SLC67A1: variants seen among roughly 807,000 people sequenced by gnomAD.
SLC67A1 encodes solute carrier family 67 member A1.
At chr11:2,920,790 A>G in the SLC67A1 span, 2 of 152,214 alleles carry the variant, frequency 1.3e-5, no homozygotes, top group African/African-American at 4.8e-5. Flanking sequence ...TTTTAAACTT[A>G]ATGGGCAAAC....
the SLC67A1 span, chr11:2,903,175 ACT>A: frequency 4.0e-5 from 59 of 1,456,814 alleles, 1 homozygote; most frequent in South Asian, 7.4e-4. Flanking sequence ...GGAGAGCTCC[ACT>A]GGGGAGGGGG....
chr11:2,923,097 C>T, the SLC67A1 span, among the ~76,000 whole-genome samples: 5 of 152,222 alleles, frequency 3.3e-5, no homozygotes, highest in South Asian at 6.2e-4. The surrounding 1 kb of genome is among the most constrained non-coding windows in gnomAD (Gnocchi z 6.5). Context: ...GAGAGCCGCT[C>T]ATGCAGACTG....
At chr11:2,909,416 C>G in the SLC67A1 span, 1 of 1,479,250 alleles carries the variant, frequency 6.8e-7, no homozygotes, top group East Asian at 2.7e-5. Flanking sequence ...TGCGGAGGAC[C>G]CGGGACACCT....
the SLC67A1 span, among the ~76,000 whole-genome samples, chr11:2,899,986 A>G: frequency 1.3e-5 from 2 of 152,132 alleles, no homozygotes; most frequent in Non-Finnish European, 2.9e-5. Context: ...CACCTGCCCC[A>G]TTGAGTAAGG....
At chr11:2,911,630 G>T in the SLC67A1 span, among the ~76,000 whole-genome samples, 7 of 152,246 alleles carry the variant, frequency 4.6e-5, no homozygotes, top group Non-Finnish European at 8.8e-5. Context: ...GCCTGCTGCC[G>T]CCTCCTTCCC....
At chr11:2,916,875 T>A in the SLC67A1 span, 1 of 725,144 alleles carries the variant, frequency 1.4e-6, no homozygotes. Context: ...CTGCCTTCCT[T>A]GAACCCTTCC....
chr11:2,909,540 G>C, the SLC67A1 span: 3 of 1,507,548 alleles, frequency 2.0e-6, no homozygotes, highest in Non-Finnish European at 8.8e-7. Flanking sequence ...GCCCCACCGA[G>C]GGGCTTTCGC....
chr11:2,917,081 G>A, the SLC67A1 span: 1 of 286,944 alleles, frequency 3.5e-6, no homozygotes, highest in African/African-American at 2.2e-5. Flanking sequence ...CCCCCCCAAT[G>A]GGGTGGGTGG....
At chr11:2,914,993 C>T in the SLC67A1 span, 42 of 985,450 alleles carry the variant, frequency 4.3e-5, no homozygotes, top group East Asian at 2.7e-3. Context: ...CGTGCGGAAC[C>T]CCAGCAGCCA....
chr11:2,900,504 T>C, the SLC67A1 span, among the ~76,000 whole-genome samples: 1 of 151,756 alleles, frequency 6.6e-6, no homozygotes, highest in Admixed American at 6.6e-5. Flanking sequence ...CCATCCTGGC[T>C]AACACGGTGA....
At chr11:2,916,585 G>A in the SLC67A1 span, 1 of 1,544,358 alleles carries the variant, frequency 6.5e-7, no homozygotes, top group Non-Finnish European at 8.9e-7. Context: ...TGGGCCCTGG[G>A]ACCCGCACCC....
the SLC67A1 span, among the ~76,000 whole-genome samples, chr11:2,915,758 G>A: frequency 1.3e-5 from 2 of 152,220 alleles, no homozygotes; most frequent in East Asian, 1.9e-4. Context: ...CCTTACAGAC[G>A]AGCTCAGTAG....
chr11:2,918,178 T>C, the SLC67A1 span: 1 of 1,050,316 alleles, frequency 9.5e-7, no homozygotes, highest in South Asian at 1.4e-5. Flanking sequence ...TCCTCTGGCC[T>C]GTGCCCCACA....
At chr11:2,923,089 G>T in the SLC67A1 span, among the ~76,000 whole-genome samples, 1 of 152,206 alleles carries the variant, frequency 6.6e-6, no homozygotes, top group Non-Finnish European at 1.5e-5. The surrounding 1 kb of genome is among the most constrained non-coding windows in gnomAD (Gnocchi z 6.5). Context: ...AGGCCGAAGA[G>T]AGCCGCTCAT....
chr11:2,909,306 A>G, the SLC67A1 span: 17 of 1,533,752 alleles, frequency 1.1e-5, no homozygotes, highest in Admixed American at 2.8e-4. Context: ...CCCGGGGTCT[A>G]CCTGCTCTTC....
chr11:2,902,467 T>A, the SLC67A1 span: 1 of 426,428 alleles, frequency 2.3e-6, no homozygotes, highest in African/African-American at 2.4e-5. Flanking sequence ...ACGTGCCTGC[T>A]GCGGCTGCCC....
the SLC67A1 span, chr11:2,902,979 C>G: frequency 3.9e-6 from 1 of 253,166 alleles, no homozygotes; most frequent in South Asian, 9.1e-5. Flanking sequence ...CTGCCTCCCT[C>G]TAAAAGTGGG....
the SLC67A1 span, chr11:2,919,388 T>G: frequency 6.2e-7 from 1 of 1,613,698 alleles, no homozygotes; most frequent in African/African-American, 1.3e-5. Flanking sequence ...CTCATGTCCT[T>G]CTTCGGGCTC....
At chr11:2,899,987 T>C in the SLC67A1 span, among the ~76,000 whole-genome samples, 4 of 152,180 alleles carry the variant, frequency 2.6e-5, no homozygotes, top group East Asian at 7.7e-4. Flanking sequence ...ACCTGCCCCA[T>C]TGAGTAAGGG....
Sources: gnomAD v4.1 joint callset for allele counts (sites outside exome capture counted in the v4.1 genomes callset) on GRCh38, gnomAD v4.1.1 for gene constraint, Gnocchi (gnomAD v3.1) non-coding constraint, MANE v1.5 for transcripts, NCBI Gene and HGNC (gene_info 2026-07-23, HGNC 2026-07-21) for gene names.